AOX1: variants seen among roughly 807,000 people sequenced by gnomAD.
The protein encoded by AOX1 is aldehyde oxidase.
AOX1 carries 153 observed loss-of-function variants against 169.5 expected under a neutral mutation model. The ratio of observed to expected loss-of-function variants is 0.90; its 90% CI spans 0.79 to 1.03. The LOEUF (loss-of-function observed/expected upper bound fraction) is 1.03, where lower values mean the gene tolerates loss of function less well. Among genes scored for constraint, AOX1 ranks in the 50% least tolerant of loss-of-function variants. AOX1 has a pLI of 0.00. For missense variants in AOX1, 1,656 were observed against 1,663.9 expected, an observed-to-expected ratio of 1.00 and a Z score of 0.08; for synonymous variants, 562 against 581.9, an observed-to-expected ratio of 0.97 and a Z score of 0.49.
intron 14 of AOX1, 148 bp from the exon 15 acceptor site, chr2:200,613,656 G>A (rs2034691065): frequency 1.5e-6 from 1 of 684,222 alleles, no homozygotes; most frequent in South Asian, 2.9e-5. Flanking sequence ...CCTTGAGAAT[G>A]GTGGGCCAAT....
intron 26 of AOX1, 54 bp downstream of exon 26, chr2:200,651,255 C>A: frequency 6.6e-7 from 1 of 1,511,520 alleles, no homozygotes; most frequent in Non-Finnish European, 9.2e-7. Flanking sequence ...CCTGACAAAG[C>A]AAGAGGTGTT....
At chr2:200,654,344 C>T (rs1227735602) in intron 26 of AOX1, among the ~76,000 whole-genome samples, 1 of 152,040 alleles carries the variant, frequency 6.6e-6, no homozygotes, top group Non-Finnish European at 1.5e-5. Context: ...AAGATTCTGA[C>T]TCTCTGAAGG....
intron 33 of AOX1, 59 bp downstream of exon 33, chr2:200,668,862 A>G: frequency 6.9e-7 from 1 of 1,448,084 alleles, no homozygotes; most frequent in Non-Finnish European, 9.5e-7. Context: ...GGGTGACAGG[A>G]AGGCTACATT....
intron 28 of AOX1, among the ~76,000 whole-genome samples, 198 bp from the exon 29 acceptor site, chr2:200,659,797 C>G (rs75639666): frequency 3.2e-5 from 4 of 123,634 alleles, no homozygotes; most frequent in African/African-American, 1.3e-4. Flanking sequence ...CACACACACA[C>G]ACACACACAC....
chr2:200,641,453 C>T (rs993274759), intron 24 of AOX1, among the ~76,000 whole-genome samples: 8 of 152,036 alleles, frequency 5.3e-5, no homozygotes, highest in African/African-American at 1.9e-4. Context: ...CAGTTTTGGC[C>T]CTATTGACAT....
At chr2:200,603,746 C>T (rs142575697) in intron 7 of AOX1, among the ~76,000 whole-genome samples, 6 of 152,288 alleles carry the variant, frequency 3.9e-5, no homozygotes, top group African/African-American at 9.6e-5. Flanking sequence ...GCTGTGTCTG[C>T]GGCTGCTGCC....
chr2:200,613,923 T>TAGGA lies in AOX1; in HGVS notation c.1568_1569insAGGA (p.Phe524GlyfsTer22). On this transcript the variant is annotated frameshift_variant, in exon 15 of 35. Transcript: ENST00000374700. LOFTEE classifies it high-confidence loss of function. ...AAGAGGACTCTCATCATCAGCTTCC[T>TAGGA]CTTCAAGTTCTACCTGGAAGTGTCA... is the stretch of plus-strand genomic sequence containing the variant. 1 of 1,612,536 alleles carries TAGGA rather than the reference T, an allele frequency of 6.2e-7. No homozygotes were observed. Among genetic ancestry groups the TAGGA allele is most frequent in the Non-Finnish European group, 8.5e-7 (1 of 1,179,958 alleles).
intron 28 of AOX1, among the ~76,000 whole-genome samples, chr2:200,659,787 C>A (rs1294361841): frequency 4.7e-5 from 2 of 42,616 alleles, no homozygotes; most frequent in African/African-American, 1.5e-4. Flanking sequence ...TTCTCTCTCT[C>A]ACACACACAC....
At chr2:200,594,542 A>G (rs2034239513) in intron 2 of AOX1, among the ~76,000 whole-genome samples, 1 of 152,214 alleles carries the variant, frequency 6.6e-6, no homozygotes, top group African/African-American at 2.4e-5. Context: ...GAGATGACTA[A>G]TGGAGGCCCA....
intron 26 of AOX1, among the ~76,000 whole-genome samples, chr2:200,656,232 T>C (rs1039480511): frequency 4.6e-5 from 7 of 152,224 alleles, no homozygotes; most frequent in Non-Finnish European, 8.8e-5. Flanking sequence ...CATCCTTCTT[T>C]CCTGCTGTGA....
chr2:200,591,046 C>T (rs1292712007), intron 1 of AOX1, among the ~76,000 whole-genome samples: 1 of 152,162 alleles, frequency 6.6e-6, no homozygotes, highest in Non-Finnish European at 1.5e-5. Context: ...CTTTATTTTT[C>T]ATCTATTCAG....
chr2:200,617,996 A>G (rs2034802031), intron 16 of AOX1, among the ~76,000 whole-genome samples: 1 of 152,180 alleles, frequency 6.6e-6, no homozygotes, highest in South Asian at 2.1e-4. Context: ...TTCCTTTGCC[A>G]TGGGGACAGG....
intron 24 of AOX1, among the ~76,000 whole-genome samples, chr2:200,641,608 G>A (rs1281883587): frequency 6.6e-6 from 1 of 151,980 alleles, no homozygotes; most frequent in Non-Finnish European, 1.5e-5. Context: ...TCTGTGCCCA[G>A]GCTGTAGTGC....
intron 25 of AOX1, among the ~76,000 whole-genome samples, chr2:200,644,046 A>G (rs2035405911): frequency 6.6e-6 from 1 of 152,140 alleles, no homozygotes. Flanking sequence ...TCCTTTTGCC[A>G]TGCAAAAGCT....
intron 23 of AOX1, among the ~76,000 whole-genome samples, chr2:200,639,240 G>A (rs1275384495): frequency 3.3e-5 from 5 of 152,136 alleles, no homozygotes; most frequent in African/African-American, 1.2e-4. Flanking sequence ...GTCTTCCAGG[G>A]GATCTTTTGC....
At chr2:200,636,563 G>A (rs775078918) in intron 21 of AOX1, among the ~76,000 whole-genome samples, 3 of 152,142 alleles carry the variant, frequency 2.0e-5, no homozygotes, top group African/African-American at 4.8e-5. Context: ...GAATACTTTA[G>A]GAGTGGTTCC....
intron 1 of AOX1, among the ~76,000 whole-genome samples, chr2:200,590,371 A>G (rs1347462831): frequency 6.6e-6 from 1 of 152,156 alleles, no homozygotes; most frequent in Non-Finnish European, 1.5e-5. Context: ...AGTACATGCA[A>G]TGACCCTGAC....
intron 26 of AOX1, among the ~76,000 whole-genome samples, chr2:200,654,916 A>AGCACCACATGGAACAAATG (rs2035652183): frequency 6.6e-6 from 1 of 152,228 alleles, no homozygotes; most frequent in Non-Finnish European, 1.5e-5. Context: ...AGGAGATTGC[A>AGCACCACATGGAACAAATG]GCACCACATG....
intron 21 of AOX1, among the ~76,000 whole-genome samples, chr2:200,635,687 C>T (rs1166540576): frequency 6.6e-6 from 1 of 152,146 alleles, no homozygotes; most frequent in African/African-American, 2.4e-5. Flanking sequence ...CCCTACGCAG[C>T]ATGCATGGAA....
Sources: allele counts gnomAD v4.1 joint callset (sites outside exome capture counted in the v4.1 genomes callset), GRCh38; gene constraint gnomAD v4.1.1; transcripts MANE v1.5; gene names NCBI Gene and HGNC (gene_info 2026-07-23, HGNC 2026-07-21).